Variants in PDE10A observed in about 807,000 individuals in gnomAD.
PDE10A encodes cAMP and cAMP-inhibited cGMP 3',5'-cyclic phosphodiesterase 10A.
A neutral mutation model predicts 97.7 loss-of-function variants in PDE10A; 39 were observed. The ratio of observed to expected loss-of-function variants is 0.40; its 90% CI spans 0.31 to 0.52. The LOEUF (loss-of-function observed/expected upper bound fraction) is 0.52, where lower values mean the gene tolerates loss of function less well. PDE10A is among the 20% of genes least tolerant of loss of function. The pLI, the probability that PDE10A is intolerant of heterozygous loss-of-function variation, is 0.56. For missense variants in PDE10A, 731 were observed against 1,047.8 expected, an observed-to-expected ratio of 0.70 and a Z score of 4.17; for synonymous variants, 371 against 376.8, an observed-to-expected ratio of 0.98 and a Z score of 0.18.
chr6:165,894,603 T>C (rs2140231), intron 1 of PDE10A: 214,587 of 447,398 alleles, frequency 0.48, 52,352 homozygotes, highest in East Asian at 0.67. Context: ...GTACTACATA[T>C]CCCGAGGAAG....
At position 165,477,467 on chromosome 6, in the gene PDE10A, T is replaced by C. The variant is rs78377522; in HGVS notation, c.1023+4848A>G. Among the ~76,000 whole-genome samples the C allele has an allele frequency of 2.8e-3, 425 of 152,330 alleles. 1 individual carries two copies. Among genetic ancestry groups the C allele is most frequent in the African/African-American group, 9.8e-3 (408 of 41,566 alleles). On this transcript the variant is annotated intron_variant, in intron 3 of 21. Transcript: ENST00000539869. ...TGCCATGAGCGCAGGGATTTCTGTC[T>C]AGTTTGTCCTCGAGATATCTCAAGA...
intron 1 of PDE10A, chr6:165,773,278 T>C (rs1271287506): frequency 1.3e-5 from 2 of 152,232 alleles, no homozygotes; most frequent in African/African-American, 4.8e-5. Context: ...ACATCTGAAA[T>C]AACGTTCAAC....
At chr6:165,371,804 T>C (rs1392872336) in intron 18 of PDE10A, among the ~76,000 whole-genome samples, 2 of 152,120 alleles carry the variant, frequency 1.3e-5, no homozygotes, top group African/African-American at 4.8e-5. Flanking sequence ...ACATCCTTGA[T>C]GAACATTGAT....
chr6:165,797,839 A>G (rs564739069), intron 1 of PDE10A, among the ~76,000 whole-genome samples: 24 of 152,324 alleles, frequency 1.6e-4, no homozygotes, highest in South Asian at 1.0e-3. Flanking sequence ...CTAAGCAGAG[A>G]ACAGAAATGT....
chr6:165,558,423 G>A (rs898151309), intron 1 of PDE10A, among the ~76,000 whole-genome samples: 1 of 151,826 alleles, frequency 6.6e-6, no homozygotes, highest in Non-Finnish European at 1.5e-5. Context: ...TTGGACACAG[G>A]AAGGGGAACA....
intron 1 of PDE10A, among the ~76,000 whole-genome samples, chr6:165,952,404 C>CA (rs1783992768): frequency 6.6e-6 from 1 of 152,174 alleles, no homozygotes; most frequent in Non-Finnish European, 1.5e-5. Context: ...ATAATGAAGC[C>CA]ACAACAGGAA....
chr6:165,408,960 T>C (rs905603465), intron 13 of PDE10A, among the ~76,000 whole-genome samples: 4 of 141,574 alleles, frequency 2.8e-5, no homozygotes, highest in Non-Finnish European at 4.7e-5. Context: ...GGTCAGGAGA[T>C]CGAGACCACC....
chr6:165,510,703 A>G (rs1402464430), intron 2 of PDE10A, among the ~76,000 whole-genome samples: 1 of 151,978 alleles, frequency 6.6e-6, no homozygotes, highest in African/African-American at 2.4e-5. Context: ...CAATCTTGCT[A>G]CTAGTTATTG....
intron 18 of PDE10A, among the ~76,000 whole-genome samples, chr6:165,374,765 T>C (rs1784508562): frequency 6.6e-6 from 1 of 151,920 alleles, no homozygotes; most frequent in Non-Finnish European, 1.5e-5. Flanking sequence ...GTTTTTTTTT[T>C]TTTTTACAAA....
At chr6:165,846,372 T>C (rs1464793190) in intron 1 of PDE10A, among the ~76,000 whole-genome samples, 1 of 152,208 alleles carries the variant, frequency 6.6e-6, no homozygotes, top group Non-Finnish European at 1.5e-5. Context: ...TAAATAAAGT[T>C]GTGTCACCGA....
chr6:165,932,456 C>T (rs1459598969), intron 1 of PDE10A, among the ~76,000 whole-genome samples: 1 of 152,094 alleles, frequency 6.6e-6, no homozygotes, highest in Non-Finnish European at 1.5e-5. Flanking sequence ...CTGTCTCAGC[C>T]TCCCAAGTAG....
At chr6:165,892,081 G>A (rs1345393007) in intron 1 of PDE10A, among the ~76,000 whole-genome samples, 1 of 152,034 alleles carries the variant, frequency 6.6e-6, no homozygotes, top group Non-Finnish European at 1.5e-5. Flanking sequence ...GGCGGGTGAA[G>A]AAGGAAAAAG....
rs147393585 is a variant in PDE10A, at chr6:165,496,158, C to T, written c.995-13815G>A. On this transcript the variant is annotated intron_variant, in intron 2 of 21. Coordinates refer to ENST00000539869, the MANE Select transcript of PDE10A (RefSeq NM_001385079.1). The stretch of plus-strand genomic sequence containing the variant: ...GCAGAGGGATCAGCCTGCATAAAGA[C>T]GTTGAGACGCAAGTGTGCCTGCCAT... Among the ~76,000 whole-genome samples the T allele has an allele frequency of 1.8e-4, 28 of 152,140 alleles. No homozygotes were observed. In the East Asian group the frequency reaches 4.9e-3, roughly 26 times the overall value.
intron 1 of PDE10A, among the ~76,000 whole-genome samples, chr6:165,855,395 C>G (rs556580598): frequency 2.6e-4 from 39 of 151,194 alleles, no homozygotes; most frequent in Admixed American, 7.9e-4. Flanking sequence ...GGTCAGGCCG[C>G]GGACTGTGGT....
At chr6:165,782,712 A>G (rs1486704371) in intron 1 of PDE10A, among the ~76,000 whole-genome samples, 1 of 152,214 alleles carries the variant, frequency 6.6e-6, no homozygotes. Flanking sequence ...CCTATTCCAA[A>G]GAACATCAAG....
intron 1 of PDE10A, among the ~76,000 whole-genome samples, chr6:165,583,076 G>T (rs1029078046): frequency 6.6e-6 from 1 of 152,164 alleles, no homozygotes; most frequent in Non-Finnish European, 1.5e-5. Flanking sequence ...GTCTGAATTT[G>T]TTGAATGCCT....
intron 1 of PDE10A, among the ~76,000 whole-genome samples, chr6:165,838,405 A>G (rs1436474404): frequency 1.3e-5 from 2 of 152,166 alleles, no homozygotes; most frequent in Non-Finnish European, 2.9e-5. Flanking sequence ...CTTTTTAAAA[A>G]TTGAGATATA....
intron 1 of PDE10A, among the ~76,000 whole-genome samples, chr6:165,979,179 C>A (rs1342885220): frequency 6.6e-6 from 1 of 152,134 alleles, no homozygotes; most frequent in Non-Finnish European, 1.5e-5. Context: ...AGGCTTGGGG[C>A]CTGCTGTGGT....
In PDE10A at chr6:165,416,300, A is replaced by C; in HGVS notation, c.1797-19T>G. ...TGAAAATCTGCATATGTAAAAGAGA[A>C]GGACATGCTAATTAAAATATGGACT... On this transcript the variant is annotated intron_variant, in intron 11 of 21. Coordinates refer to ENST00000539869, the MANE Select transcript of PDE10A (RefSeq NM_001385079.1). The C allele has an allele frequency of 2.7e-6, 4 of 1,458,560 alleles. No homozygotes were observed. The highest frequency in any genetic ancestry group is 3.9e-6 in the Non-Finnish European group (4 of 1,037,902). 90.4% of individuals were successfully genotyped at this position (1,458,560 alleles called of 1,614,324 possible). A position where few individuals can be genotyped will look rare whatever the true frequency, so the allele number is the denominator to read the frequency against.
Sources: allele counts gnomAD v4.1 joint callset (sites outside exome capture counted in the v4.1 genomes callset), GRCh38; gene constraint gnomAD v4.1.1; transcripts MANE v1.5; gene names NCBI Gene and HGNC (gene_info 2026-07-23, HGNC 2026-07-21).